The following ZNF365 variants were observed in gnomAD, a reference collection of about 807,000 sequenced individuals.
ZNF365 encodes the protein zinc finger protein 365.
ZNF365 carries 22 observed loss-of-function variants against 35.0 expected under a neutral mutation model. That is an observed-to-expected ratio of 0.63 (90% CI 0.45 to 0.90). ZNF365 has a LOEUF of 0.90. ZNF365 is among the 40% of genes least tolerant of loss of function. The probability of loss-of-function intolerance (pLI) is 0.00; values close to 1 mark genes in which losing one functional copy is unlikely to be tolerated. For missense variants in ZNF365, 448 were observed against 500.3 expected, an observed-to-expected ratio of 0.90 and a Z score of 1.00; for synonymous variants, 188 against 196.2, an observed-to-expected ratio of 0.96 and a Z score of 0.35.
intron 3 of ZNF365, among the ~76,000 whole-genome samples, chr10:62,448,231 G>C: frequency 6.6e-6 from 1 of 152,132 alleles, no homozygotes; most frequent in South Asian, 2.1e-4. Flanking sequence ...ACAATGAAAT[G>C]CACATATCTT....
chr10:62,401,098 G>A lies in ZNF365; in HGVS notation c.*1309G>A. On this transcript the variant is annotated 3_prime_UTR_variant, in exon 5 of 5. Coordinates refer to ENST00000395254, the MANE Select transcript of ZNF365 (RefSeq NM_014951.3). The stretch of plus-strand genomic sequence containing the variant: ...AGTTTACAAGTGCTGACATTCTTCT[G>A]AAAACAGGAATAATTTTGTCCACAA... 1.0e-6 allele frequency: 1 copy of A among 985,166 alleles called. No individual in the cohort carries two copies. Among genetic ancestry groups the A allele is most frequent in the Non-Finnish European group, 1.2e-6 (1 of 829,782 alleles). 61.0% of individuals were successfully genotyped at this position (985,166 alleles called of 1,614,324 possible). A position where few individuals can be genotyped will look rare whatever the true frequency, so the allele number is the denominator to read the frequency against.
chr10:62,461,072 C>T (rs11818767), intron 4 of ZNF365, among the ~76,000 whole-genome samples: 5,685 of 152,268 alleles, frequency 0.037, 171 homozygotes, highest in East Asian at 0.19. Context: ...TCAACTCCTC[C>T]ACCCCAGAGA....
chr10:62,468,705 A>T (rs1316077565), intron 4 of ZNF365, among the ~76,000 whole-genome samples: 2 of 152,242 alleles, frequency 1.3e-5, no homozygotes, highest in Non-Finnish European at 2.9e-5. Context: ...GACCATCCAC[A>T]TCAATTTGTG....
Position 62,399,864 on chromosome 10 carries a change from T to C in ZNF365, c.*75T>C. 6.7e-7 allele frequency: 1 copy of C among 1,497,312 alleles called. No individual in the cohort carries two copies. The highest frequency in any genetic ancestry group is 8.9e-7 in the Non-Finnish European group (1 of 1,121,938). 92.8% of individuals were successfully genotyped at this position (1,497,312 alleles called of 1,614,324 possible). On this transcript the variant is annotated 3_prime_UTR_variant, in exon 5 of 5. Coordinates refer to ENST00000395254, the MANE Select transcript of ZNF365 (RefSeq NM_014951.3). ...TTCCAGGAGCCAACAGTAATGTCTTTCTGGAAACATTCCATAGTAAGACAC... is the reference window on the plus strand; with the variant it reads ...TTCCAGGAGCCAACAGTAATGTCTTCCTGGAAACATTCCATAGTAAGACAC...
rs1030432631 is a variant in ZNF365, at chr10:62,401,128, A to G, written c.*1339A>G. On this transcript the variant is annotated 3_prime_UTR_variant, in exon 5 of 5. Coordinates refer to ENST00000395254, the MANE Select transcript of ZNF365 (RefSeq NM_014951.3). ...CAGGAATAATTTTGTCCACAAATAT[A>G]TACATATATACATATATATAACACA... 1.0e-6 allele frequency: 1 copy of G among 964,786 alleles called. No homozygotes were observed. The highest frequency in any genetic ancestry group is 1.8e-5 in the African/African-American group (1 of 56,792). 59.8% of individuals were successfully genotyped at this position (964,786 alleles called of 1,614,324 possible). A position where few individuals can be genotyped will look rare whatever the true frequency, so the allele number is the denominator to read the frequency against.
chr10:62,445,713 G>A (rs1159991036), intron 3 of ZNF365, among the ~76,000 whole-genome samples: 1 of 152,144 alleles, frequency 6.6e-6, no homozygotes, highest in Non-Finnish European at 1.5e-5. Context: ...CTCTACTTTT[G>A]TGTATGTTTG....
intron 4 of ZNF365, among the ~76,000 whole-genome samples, chr10:62,399,304 C>T (rs1301784328): frequency 6.6e-6 from 1 of 152,112 alleles, no homozygotes; most frequent in East Asian, 1.9e-4. Context: ...GTAAATAGAA[C>T]TAGTAATATC....
At position 62,464,290 on chromosome 10, in the gene ZNF365, C is replaced by A. The variant is rs139128815; in HGVS notation, c.981+4493C>A. 4.1e-3 allele frequency among the ~76,000 whole-genome samples: 626 copies of A among 152,258 alleles called. 3 individuals carry two copies. The highest frequency in any genetic ancestry group is 0.014 in the African/African-American group (598 of 41,532). On this transcript the variant is annotated intron_variant, in intron 4 of 4. Coordinates refer to the ZNF365 transcript ENST00000395255. Reference sequence around the variant, plus strand: ...CAAAAACTTTCCTGCTATGATCTCCCATATATGTTAGCCCCCACTGCATGG... The same window carrying A: ...CAAAAACTTTCCTGCTATGATCTCCAATATATGTTAGCCCCCACTGCATGG...
downstream of ZNF365, among the ~76,000 whole-genome samples, chr10:62,403,899 C>T (rs1407780063): frequency 6.6e-6 from 1 of 152,140 alleles, no homozygotes; most frequent in Non-Finnish European, 1.5e-5. Flanking sequence ...GGCATGCCTG[C>T]ATGATCCCAA....
chr10:62,466,422 C>A (rs181434990), intron 4 of ZNF365, among the ~76,000 whole-genome samples: 1 of 152,306 alleles, frequency 6.6e-6, no homozygotes, highest in African/African-American at 2.4e-5. Context: ...TGCATTCACA[C>A]ACCCCCTGCC....
At chr10:62,479,399 A>T (rs1841184820) in intron 4 of ZNF365, among the ~76,000 whole-genome samples, 1 of 152,238 alleles carries the variant, frequency 6.6e-6, no homozygotes, top group African/African-American at 2.4e-5. Flanking sequence ...ACCATATGAA[A>T]AGACGAACAT....
intron 2 of ZNF365, among the ~76,000 whole-genome samples, chr10:62,384,360 C>G (rs757264990): frequency 6.2e-4 from 94 of 152,226 alleles, no homozygotes; most frequent in Non-Finnish European, 8.7e-4. Context: ...TTCTTAGTCA[C>G]TTTTAACTAG....
chr10:62,415,015 T>C (rs556395975), intron 3 of ZNF365, among the ~76,000 whole-genome samples: 1 of 152,210 alleles, frequency 6.6e-6, no homozygotes, highest in Non-Finnish European at 1.5e-5. Context: ...AAATCTAAAA[T>C]TTTCGTCTGA....
chr10:62,406,463 G>A (rs2132435505), downstream of ZNF365, among the ~76,000 whole-genome samples: 1 of 152,126 alleles, frequency 6.6e-6, no homozygotes, highest in Non-Finnish European at 1.5e-5. Flanking sequence ...CATAAAAAGG[G>A]GCCAAGTCTG....
Position 62,400,233 on chromosome 10 carries a change from G to C in ZNF365, c.*444G>C. 1 of 990,792 alleles carries C rather than the reference G, an allele frequency of 1.0e-6. No individual in the cohort carries two copies. Among genetic ancestry groups the C allele is most frequent in the South Asian group, 4.6e-5 (1 of 21,680 alleles). The allele number at this position is 990,792 out of a possible 1,614,324, so 61.4% of individuals were successfully genotyped here. A position where few individuals can be genotyped will look rare whatever the true frequency, so the allele number is the denominator to read the frequency against. On this transcript the variant is annotated 3_prime_UTR_variant, in exon 5 of 5. Transcript: ENST00000395254. ...AAAGTTCTGTTAATAGCAGTAAAAT[G>C]AAAATATTTGTGTTTGTGTATAACC... is the stretch of plus-strand genomic sequence containing the variant.
chr10:62,467,675 A>G (rs1463297329), intron 4 of ZNF365, among the ~76,000 whole-genome samples: 1 of 152,212 alleles, frequency 6.6e-6, no homozygotes, highest in Non-Finnish European at 1.5e-5. Flanking sequence ...ACTTAATGGA[A>G]TCAGAAACTC....
chr10:62,429,103 G>A (rs140009366), intron 3 of ZNF365, among the ~76,000 whole-genome samples: 2 of 152,236 alleles, frequency 1.3e-5, no homozygotes, highest in Non-Finnish European at 2.9e-5. Context: ...GCCAATGTGT[G>A]CCAACGTTAG....
intron 3 of ZNF365, among the ~76,000 whole-genome samples, chr10:62,409,145 C>A (rs137972479): frequency 1.4e-3 from 219 of 152,214 alleles, no homozygotes; most frequent in African/African-American, 5.1e-3. Context: ...TATGTCCACC[C>A]CAAGCTTCGG....
rs1873686 is a variant in ZNF365 at position 62,376,992 on chromosome 10, G to C, written c.743+56G>C. The C allele has an allele frequency of 0.99, 1,543,189 of 1,552,390 alleles. 767,480 individuals are homozygous for C. The highest frequency in any genetic ancestry group is 1 in the East Asian group (44,324 of 44,324). ...CATTGCTTTAAGCAGCACCCCAATCGCCTTACAAGCAAATGCTAAGCAAGG... is the reference window on the plus strand; with the variant it reads ...CATTGCTTTAAGCAGCACCCCAATCCCCTTACAAGCAAATGCTAAGCAAGG... On this transcript the variant is annotated intron_variant, in intron 2 of 4. Transcript: ENST00000395254.
Sources: allele counts gnomAD v4.1 joint callset (sites outside exome capture counted in the v4.1 genomes callset), GRCh38; gene constraint gnomAD v4.1.1; transcripts MANE v1.5; gene names NCBI Gene and HGNC (gene_info 2026-07-23, HGNC 2026-07-21).